TMEM163: variants seen among roughly 807,000 people sequenced by gnomAD.
TMEM163 encodes the protein transmembrane protein 163.
Under a neutral mutation model 29.3 loss-of-function variants are expected in TMEM163, and 17 were observed. That is an observed-to-expected ratio of 0.58 (90% CI 0.40 to 0.87). The LOEUF is 0.87. Ranked by LOEUF, TMEM163 falls within the 40% of genes least tolerant of loss-of-function variation. The pLI, the probability that TMEM163 is intolerant of heterozygous loss-of-function variation, is 0.00. For synonymous variants in TMEM163, 157 were observed against 160.6 expected (o/e 0.98, Z 0.17); for missense variants, 303 against 381.5 (o/e 0.79, Z 1.71).
At chr2:134,589,573 G>A (rs1169929671) in intron 2 of TMEM163, among the ~76,000 whole-genome samples, 1 of 152,158 alleles carries the variant, frequency 6.6e-6, no homozygotes, top group Non-Finnish European at 1.5e-5. Context: ...ATGTCAGGAA[G>A]TTACCCTATA....
intron 2 of TMEM163, among the ~76,000 whole-genome samples, chr2:134,597,508 T>C (rs951194163): frequency 8.5e-5 from 13 of 152,288 alleles, no homozygotes; most frequent in African/African-American, 3.1e-4. Context: ...CTGCTGGATT[T>C]GGTTTGTCAG....
intron 5 of TMEM163, among the ~76,000 whole-genome samples, chr2:134,487,696 C>G (rs913308179): frequency 6.6e-6 from 1 of 152,156 alleles, no homozygotes; most frequent in Non-Finnish European, 1.5e-5. Flanking sequence ...ACCCACGCAT[C>G]CACAGAATGG....
intron 2 of TMEM163, among the ~76,000 whole-genome samples, chr2:134,632,968 C>T (rs181475827): frequency 0.015 from 2,300 of 149,656 alleles, 50 homozygotes; most frequent in African/African-American, 0.054. Flanking sequence ...CCATGTTAGC[C>T]GGGATGGTCT....
chr2:134,718,893 G>T lies in TMEM163; in HGVS notation c.43C>A (p.Pro15Thr). 1 of 1,089,344 alleles carries T rather than the reference G, an allele frequency of 9.2e-7. No homozygotes were observed. The highest frequency in any genetic ancestry group is 1.1e-6 in the Non-Finnish European group (1 of 898,210). The allele number at this position is 1,089,344 out of a possible 1,614,324, so 67.5% of individuals were successfully genotyped here. ...AGIQRRSSQG[P>T]TVPPPPRGHA... The stretch of plus-strand genomic sequence containing the variant: ...CCCCGGGGCGGCGGCGGGACGGTGG[G>T]CCCCTGGGAGCTGCGGCGCTGGATG... The change falls in exon 1 of 8, where the codon CCC (proline) becomes ACC (threonine). Residue 15 changes from proline to threonine, a missense_variant. Transcript: ENST00000281924.
chr2:134,510,761 C>G (rs796453565), intron 4 of TMEM163, among the ~76,000 whole-genome samples: 3 of 152,276 alleles, frequency 2.0e-5, no homozygotes, highest in African/African-American at 7.2e-5. Flanking sequence ...AAGGTCTGGA[C>G]AGTGAGATAC....
intron 4 of TMEM163, among the ~76,000 whole-genome samples, chr2:134,532,739 C>A (rs1301096846): frequency 6.6e-6 from 1 of 152,136 alleles, no homozygotes; most frequent in East Asian, 1.9e-4. Flanking sequence ...CAGTGAAGGC[C>A]GCTTGGGGAA....
At chr2:134,552,137 C>T (rs1024966863) in intron 2 of TMEM163, 46 bp from the exon 3 acceptor site, 2 of 1,497,472 alleles carry the variant, frequency 1.3e-6, no homozygotes, top group African/African-American at 1.4e-5. Context: ...AAACCTCTCT[C>T]ATTTTTGAGT....
At chr2:134,498,338 T>G (rs1178345291) in intron 5 of TMEM163, among the ~76,000 whole-genome samples, 2 of 148,714 alleles carry the variant, frequency 1.3e-5, no homozygotes, top group Non-Finnish European at 3.0e-5. Flanking sequence ...CGATGCTTGG[T>G]GCACTTGCAT....
At chr2:134,598,798 A>T (rs1439241944) in intron 2 of TMEM163, among the ~76,000 whole-genome samples, 4 of 151,798 alleles carry the variant, frequency 2.6e-5, no homozygotes, top group Non-Finnish European at 5.9e-5. Flanking sequence ...CTCATGCCTG[A>T]AGTCCCAGCT....
At chr2:134,653,281 G>GT (rs1321806175) in intron 2 of TMEM163, among the ~76,000 whole-genome samples, 1 of 63,374 alleles carries the variant, frequency 1.6e-5, no homozygotes, top group African/African-American at 9.7e-5. Flanking sequence ...TTGGGAGAGT[G>GT]TATGTGTCGA....
Position 134,460,075 on chromosome 2 carries a change from A to ACCCCCCCCCCCCATCCCTCC in TMEM163, c.668-1903_668-1902insGGAGGGATGGGGGGGGGGGG, listed in dbSNP as rs5834416. Reference sequence around the variant, plus strand: ...CCCCTCGAGCCCCTTGCCAGATGTTACCCCCCCCCAAATTCATTCTCACTC... The same window carrying ACCCCCCCCCCCCATCCCTCC: ...CCCCTCGAGCCCCTTGCCAGATGTTACCCCCCCCCCCCATCCCTCCCCCCCCCCCAAATTCATTCTCACTC... On this transcript the variant is annotated intron_variant, in intron 6 of 7. Coordinates refer to ENST00000281924, the MANE Select transcript of TMEM163 (RefSeq NM_030923.5). This position sits in a 1 kb window ranked among gnomAD's most constrained non-coding sequence, Gnocchi z 4.3. Among the ~76,000 whole-genome samples, 1 of 120,004 alleles carries ACCCCCCCCCCCCATCCCTCC rather than the reference A, an allele frequency of 8.3e-6. No homozygotes were observed. The highest frequency in any genetic ancestry group is 1.7e-5 in the Non-Finnish European group (1 of 59,530). 78.7% of individuals were successfully genotyped at this position (120,004 alleles called of 152,430 possible).
intron 4 of TMEM163, among the ~76,000 whole-genome samples, chr2:134,524,048 GC>G (rs1680242329): frequency 6.6e-6 from 1 of 152,172 alleles, no homozygotes; most frequent in African/African-American, 2.4e-5. Flanking sequence ...ATATTTTAGA[GC>G]CTTGCAACCC....
Position 134,621,645 on chromosome 2 carries a change from C to T in TMEM163, c.323-69554G>A, listed in dbSNP as rs915829037. On this transcript the variant is annotated intron_variant, in intron 2 of 7. Transcript: ENST00000281924. Reference sequence around the variant, plus strand: ...GTGGCTCACCCCTGTAATCCCAGCACTTTGGGAGGCTGAGGCAGGCGAATT... The same window carrying T: ...GTGGCTCACCCCTGTAATCCCAGCATTTTGGGAGGCTGAGGCAGGCGAATT... 5.9e-5 allele frequency among the ~76,000 whole-genome samples: 9 copies of T among 151,728 alleles called. No homozygotes were observed. The South Asian group carries it at 6.3e-4, about 11-fold the overall frequency.
Position 134,718,849 on chromosome 2 carries a change from G to A in TMEM163, c.87C>T (p.Ala29=). Residue 29 remains alanine, a synonymous_variant, in exon 1 of 8, where the codon GCC becomes GCT. Coordinates refer to ENST00000281924, the MANE Select transcript of TMEM163 (RefSeq NM_030923.5). ...PPPRGHAPPA[A]APGPAPLSSP... ...AGCTCAGCGGGGCCGGGCCGGGGGC[G>A]GCAGCCGGTGGCGCGTGGCCCCGGG... is the stretch of plus-strand genomic sequence containing the variant. The A allele has an allele frequency of 2.7e-6, 3 of 1,117,280 alleles. No individual in the cohort carries two copies. Among genetic ancestry groups the A allele is most frequent in the East Asian group, 5.0e-5 (1 of 19,808 alleles). 69.2% of individuals were successfully genotyped at this position (1,117,280 alleles called of 1,614,324 possible). A position where few individuals can be genotyped will look rare whatever the true frequency, so the allele number is the denominator to read the frequency against.
intron 2 of TMEM163, among the ~76,000 whole-genome samples, chr2:134,638,804 C>T (rs1683164712): frequency 6.6e-6 from 1 of 152,202 alleles, no homozygotes; most frequent in South Asian, 2.1e-4. Context: ...ACAACACCCT[C>T]ACCACGGGAG....
chr2:134,689,911 G>T (rs1307368996), intron 2 of TMEM163, among the ~76,000 whole-genome samples: 1 of 146,946 alleles, frequency 6.8e-6, no homozygotes, highest in South Asian at 2.2e-4. Context: ...TTGCTCCTTT[G>T]CGGTTTGTTT....
chr2:134,587,315 G>A (rs546530181), intron 2 of TMEM163, among the ~76,000 whole-genome samples: 5 of 152,320 alleles, frequency 3.3e-5, no homozygotes, highest in Non-Finnish European at 7.4e-5. Flanking sequence ...GGGAGTGTGA[G>A]GCAGGAGAAT....
At chr2:134,463,087 G>T (rs913864226) in intron 6 of TMEM163, among the ~76,000 whole-genome samples, 1 of 152,226 alleles carries the variant, frequency 6.6e-6, no homozygotes, top group African/African-American at 2.4e-5. Flanking sequence ...TACCCCAAGG[G>T]CTCCTGCCCT....
chr2:134,672,125 G>T (rs564322966), intron 2 of TMEM163, among the ~76,000 whole-genome samples: 26 of 152,260 alleles, frequency 1.7e-4, no homozygotes, highest in Non-Finnish European at 3.8e-4. Context: ...AACAAAAAGT[G>T]TATTAGCTGT....
Sources: allele counts gnomAD v4.1 joint callset (sites outside exome capture counted in the v4.1 genomes callset), GRCh38; gene constraint gnomAD v4.1.1; non-coding constraint Gnocchi (gnomAD v3.1); transcripts MANE v1.5; gene names NCBI Gene and HGNC (gene_info 2026-07-23, HGNC 2026-07-21).